ARHGAP35: variants seen among roughly 807,000 people sequenced by gnomAD.
ARHGAP35 encodes the protein rho GTPase-activating protein 35.
ARHGAP35 carries 15 observed loss-of-function variants against 111.1 expected under a neutral mutation model. That is an observed-to-expected ratio of 0.13 (90% CI 0.09 to 0.21). The LOEUF is 0.21. Among genes scored for constraint, ARHGAP35 ranks in the 10% least tolerant of loss-of-function variants. The probability of loss-of-function intolerance (pLI) is 1.00; values close to 1 mark genes in which losing one functional copy is unlikely to be tolerated. For synonymous variants in ARHGAP35, 643 were observed against 710.3 expected, an observed-to-expected ratio of 0.91 and a Z score of 1.51; for missense variants, 1,262 against 1,873.0, an observed-to-expected ratio of 0.67 and a Z score of 6.02.
chr19:46,936,163 G>A (rs1436146230), intron 2 of ARHGAP35, among the ~76,000 whole-genome samples: 1 of 152,144 alleles, frequency 6.6e-6, no homozygotes, highest in African/African-American at 2.4e-5. Context: ...GATCACTTGA[G>A]CCCAGGAGGT....
In ARHGAP35 at chr19:47,001,755, A is replaced by G; in HGVS notation, c.*1067A>G. 1 of 248,532 alleles carries G rather than the reference A, an allele frequency of 4.0e-6. No individual in the cohort carries two copies. The highest frequency in any genetic ancestry group is 7.9e-6 in the Non-Finnish European group (1 of 126,032). 15.4% of individuals were successfully genotyped at this position (248,532 alleles called of 1,614,324 possible). On this transcript the variant is annotated 3_prime_UTR_variant, in exon 7 of 7. Transcript: ENST00000672722. This position sits in a 1 kb window ranked among gnomAD's most constrained non-coding sequence, Gnocchi z 5.4. ...GGGTGGGGGTGTGTGTGCACATGTG[A>G]GTGTGAGTGTGTGTGGGCGCTTGGT...
At position 46,988,141 on chromosome 19, in the gene ARHGAP35, G is replaced by A; in HGVS notation, c.3904+75G>A. 1 of 1,432,784 alleles carries A rather than the reference G, an allele frequency of 7.0e-7. No homozygotes were observed. Among genetic ancestry groups the A allele is most frequent in the East Asian group, 2.4e-5 (1 of 41,842 alleles). 88.8% of individuals were successfully genotyped at this position (1,432,784 alleles called of 1,614,324 possible). A position where few individuals can be genotyped will look rare whatever the true frequency, so the allele number is the denominator to read the frequency against. On this transcript the variant is annotated intron_variant, in intron 4 of 6. Coordinates refer to ENST00000672722, the MANE Select transcript of ARHGAP35 (RefSeq NM_004491.5). The surrounding 1 kb of genome is among the most constrained non-coding windows in gnomAD (Gnocchi z 5.4). Reference sequence around the variant, plus strand: ...ACACAGCTGCCTCGGTGAACTGTCTGTGGGGCTTCGGAGCACTCCTGCCAG... The same window carrying A: ...ACACAGCTGCCTCGGTGAACTGTCTATGGGGCTTCGGAGCACTCCTGCCAG...
chr19:46,972,088 C>T (rs964680755), intron 3 of ARHGAP35, among the ~76,000 whole-genome samples: 7 of 152,244 alleles, frequency 4.6e-5, no homozygotes, highest in Non-Finnish European at 1.0e-4. Context: ...CAGCTCACTG[C>T]AACCTCCGCC....
intron 1 of ARHGAP35, among the ~76,000 whole-genome samples, chr19:46,891,871 A>G (rs923694956): frequency 1.3e-4 from 20 of 152,264 alleles, no homozygotes; most frequent in Admixed American, 1.2e-3. Context: ...GCCAGGCGCG[A>G]TGGCTCACGC....
intron 1 of ARHGAP35, among the ~76,000 whole-genome samples, chr19:46,865,541 G>A (rs867666758): frequency 1.3e-5 from 2 of 152,188 alleles, no homozygotes; most frequent in African/African-American, 2.4e-5. Flanking sequence ...GGACCTGATG[G>A]TGACTTTTGG....
At position 46,966,923 on chromosome 19, in the gene ARHGAP35, G is replaced by A. The variant is rs569401066; in HGVS notation, c.3827-21066G>A. Among the ~76,000 whole-genome samples the A allele has an allele frequency of 3.9e-5, 6 of 152,280 alleles. No homozygotes were observed. In the South Asian group the frequency reaches 1.2e-3, roughly 32 times the overall value. ...GGGAGCTTGCTTGCTTGGAGTCTGGGATGGAGGCTTGTCCTTAAAGATACA... is the reference window on the plus strand; with the variant it reads ...GGGAGCTTGCTTGCTTGGAGTCTGGAATGGAGGCTTGTCCTTAAAGATACA... On this transcript the variant is annotated intron_variant, in intron 3 of 6. Coordinates refer to ENST00000672722, the MANE Select transcript of ARHGAP35 (RefSeq NM_004491.5).
At position 47,001,458 on chromosome 19, in the gene ARHGAP35, G is replaced by A. The variant is rs1270436796; in HGVS notation, c.*770G>A. On this transcript the variant is annotated 3_prime_UTR_variant, in exon 7 of 7. Coordinates refer to ENST00000672722, the MANE Select transcript of ARHGAP35 (RefSeq NM_004491.5). The surrounding 1 kb of genome is among the most constrained non-coding windows in gnomAD (Gnocchi z 5.4). ...ACTACAGACCTCAAGATTCCACTCTGTGCCCGCCTCTGCCGGGAGGGAGGG... is the reference window on the plus strand; with the variant it reads ...ACTACAGACCTCAAGATTCCACTCTATGCCCGCCTCTGCCGGGAGGGAGGG... 7 of 1,212,124 alleles carry A rather than the reference G, an allele frequency of 5.8e-6. No homozygotes were observed. The highest frequency in any genetic ancestry group is 6.5e-6 in the Non-Finnish European group (6 of 921,228). 75.1% of individuals were successfully genotyped at this position (1,212,124 alleles called of 1,614,324 possible).
At chr19:46,880,798 A>T (rs1020543318) in intron 1 of ARHGAP35, among the ~76,000 whole-genome samples, 2 of 149,666 alleles carry the variant, frequency 1.3e-5, no homozygotes, top group African/African-American at 4.9e-5. Flanking sequence ...GCCTCAGCCT[A>T]CCGAGTACCT....
At chr19:46,904,096 G>A (rs1330834876) in intron 1 of ARHGAP35, among the ~76,000 whole-genome samples, 1 of 152,118 alleles carries the variant, frequency 6.6e-6, no homozygotes, top group African/African-American at 2.4e-5. Flanking sequence ...CTTGATTAAT[G>A]TGATCATCTC....
intron 1 of ARHGAP35, among the ~76,000 whole-genome samples, chr19:46,888,353 CA>C (rs1568461178): frequency 8.1e-5 from 11 of 136,444 alleles, no homozygotes; most frequent in African/African-American, 3.0e-4. Flanking sequence ...CACACACACA[CA>C]CACACACACA....
Position 46,920,486 on chromosome 19 carries a change from G to A in ARHGAP35, c.1811G>A (p.Gly604Asp). The change falls in exon 2 of 7, where the codon GGC becomes GAC. Residue 604 changes from glycine (G) to aspartate (D), a missense_variant. Transcript: ENST00000672722. The surrounding 1 kb of genome is among the most constrained non-coding windows in gnomAD (Gnocchi z 7.0). ...NIDRINLVIL[G>D]KDGLARELAN... The stretch of plus-strand genomic sequence containing the variant: ...GATAGAATCAACTTGGTTATATTGG[G>A]CAAAGACGGCCTTGCCCGAGAGTTG... The A allele has an allele frequency of 6.2e-7, 1 of 1,613,960 alleles. No homozygotes were observed.
In ARHGAP35 at chr19:46,922,441, C is replaced by CT. The variant is rs2056209053; in HGVS notation, c.3681+86dup. 8 of 1,320,670 alleles carry CT rather than the reference C, an allele frequency of 6.1e-6. No homozygotes were observed. The highest frequency in any genetic ancestry group is 8.0e-6 in the Non-Finnish European group (8 of 999,080). The allele number at this position is 1,320,670 out of a possible 1,614,324, so 81.8% of individuals were successfully genotyped here. A position where few individuals can be genotyped will look rare whatever the true frequency, so the allele number is the denominator to read the frequency against. On this transcript the variant is annotated intron_variant, in intron 2 of 6. Transcript: ENST00000672722. The surrounding 1 kb of genome is among the most constrained non-coding windows in gnomAD (Gnocchi z 4.0). ...TTGATGATGATTTTTCAAGGACAACCTATTCTGGTAAAAAAAAAACTGCCC... is the reference window on the plus strand; with the variant it reads ...TTGATGATGATTTTTCAAGGACAACCTTATTCTGGTAAAAAAAAAACTGCCC...
Position 46,886,493 on chromosome 19 carries a change from T to G in ARHGAP35, c.-189+25284T>G, listed in dbSNP as rs371469518. On this transcript the variant is annotated intron_variant, in intron 1 of 6. Transcript: ENST00000672722. ...TCACTAGCTGAAATACAAGGAAAGT[T>G]AAAGTATTCCTTAAAGTCTTCCTCC... is the stretch of plus-strand genomic sequence containing the variant. Among the ~76,000 whole-genome samples, 41 of 152,270 alleles carry G rather than the reference T, an allele frequency of 2.7e-4. No homozygotes were observed. The South Asian group carries it at 8.5e-3, about 32-fold the overall frequency.
At chr19:46,975,594 A>G (rs2056575551) in intron 3 of ARHGAP35, among the ~76,000 whole-genome samples, 1 of 152,002 alleles carries the variant, frequency 6.6e-6, no homozygotes, top group South Asian at 2.1e-4. Context: ...TACAAGAGGA[A>G]ACAGAAATCC....
At chr19:46,923,998 G>A (rs2056224250) in intron 2 of ARHGAP35, among the ~76,000 whole-genome samples, 1 of 151,768 alleles carries the variant, frequency 6.6e-6, no homozygotes, top group Non-Finnish European at 1.5e-5. Context: ...AGACATTTTG[G>A]TGACATGCCA....
chr19:46,981,245 A>G (rs2056618806), intron 3 of ARHGAP35, among the ~76,000 whole-genome samples: 1 of 152,222 alleles, frequency 6.6e-6, no homozygotes, highest in African/African-American at 2.4e-5. Flanking sequence ...TAAAAGAAAA[A>G]GGGAATGGTT....
chr19:46,941,649 C>T (rs1403425065), intron 3 of ARHGAP35, among the ~76,000 whole-genome samples: 3 of 150,008 alleles, frequency 2.0e-5, no homozygotes, highest in Non-Finnish European at 4.5e-5. Context: ...AGTCATAGCT[C>T]ACTTGCAGCC....
rs150120736 is a variant in ARHGAP35 at position 46,993,768 on chromosome 19, G to A, written c.4036+4093G>A. 4.6e-5 allele frequency among the ~76,000 whole-genome samples: 7 copies of A among 152,178 alleles called. No homozygotes were observed. The East Asian group carries it at 9.7e-4, about 21-fold the overall frequency. On this transcript the variant is annotated intron_variant, in intron 5 of 6. Transcript: ENST00000672722. This position sits in a 1 kb window ranked among gnomAD's most constrained non-coding sequence, Gnocchi z 4.6. Reference sequence around the variant, plus strand: ...GGAAGAGGTGCAGCTCCCAGCCCACGCCCCCTGAGCAAGAGCAGAGCCACC... The same window carrying A: ...GGAAGAGGTGCAGCTCCCAGCCCACACCCCCTGAGCAAGAGCAGAGCCACC...
Position 47,000,272 on chromosome 19 carries a change from G to T in ARHGAP35, c.4143-59G>T, listed in dbSNP as rs746789583. On this transcript the variant is annotated intron_variant, in intron 6 of 6. Coordinates refer to ENST00000672722, the MANE Select transcript of ARHGAP35 (RefSeq NM_004491.5). This position sits in a 1 kb window ranked among gnomAD's most constrained non-coding sequence, Gnocchi z 6.9. ...AGCCTGGGTGCTGAAGACCATGAGC[G>T]CCCAGGGCCAGGTGGGGCCCTGCAC... is the stretch of plus-strand genomic sequence containing the variant. 6.5e-7 allele frequency: 1 copy of T among 1,547,380 alleles called. No homozygotes were observed. Among genetic ancestry groups the T allele is most frequent in the Non-Finnish European group, 8.8e-7 (1 of 1,138,620 alleles).
Sources: allele counts gnomAD v4.1 joint callset (sites outside exome capture counted in the v4.1 genomes callset), GRCh38; gene constraint gnomAD v4.1.1; non-coding constraint Gnocchi (gnomAD v3.1); transcripts MANE v1.5; gene names NCBI Gene and HGNC (gene_info 2026-07-23, HGNC 2026-07-21).